The following ASNS variants were observed in gnomAD, a reference collection of about 807,000 sequenced individuals.
The protein encoded by ASNS is asparagine synthetase [glutamine-hydrolyzing].
A neutral mutation model predicts 62.6 loss-of-function variants in ASNS; 37 were observed. The observed-to-expected ratio is 0.59, with a 90% CI of 0.45 to 0.78. The LOEUF (loss-of-function observed/expected upper bound fraction) is 0.78. Ranked by LOEUF, ASNS falls within the 30% of genes least tolerant of loss-of-function variation. The pLI, the probability that ASNS is intolerant of heterozygous loss-of-function variation, is 0.00. For missense variants in ASNS, 520 were observed against 682.4 expected, an observed-to-expected ratio of 0.76 and a Z score of 2.65; for synonymous variants, 207 against 237.9, an observed-to-expected ratio of 0.87 and a Z score of 1.19.
rs1028621761 is a variant in ASNS at position 97,870,178 on chromosome 7, T to C, written c.-59-365A>G. ...TGACACATTGCACCATGTGTGGCAT[T>C]TGGGCCCTGTTTGGCAGTGATGACT... On this transcript the variant is annotated intron_variant, in intron 1 of 12. Coordinates refer to ENST00000394308, the MANE Select transcript of ASNS (RefSeq NM_001673.5). 5.3e-6 allele frequency: 5 copies of C among 945,002 alleles called. No homozygotes were observed. In the African/African-American group the frequency reaches 8.5e-5, roughly 16 times the overall value. 58.5% of individuals were successfully genotyped at this position (945,002 alleles called of 1,614,324 possible). A position where few individuals can be genotyped will look rare whatever the true frequency, so the allele number is the denominator to read the frequency against.
Position 97,853,342 on chromosome 7 carries a change from T to C in ASNS, c.1283A>G (p.Tyr428Cys), listed in dbSNP as rs1791279467. 6.2e-7 allele frequency: 1 copy of C among 1,613,442 alleles called. No homozygotes were observed. The highest frequency in any genetic ancestry group is 8.5e-7 in the Non-Finnish European group (1 of 1,179,902). Residue 428 changes from tyrosine to cysteine, a missense_variant, in exon 11 of 13, where the codon TAT becomes TGT. Physicochemically the swap from Tyr to Cys is radical, Grantham distance 194 (BLOSUM62 -2). Coordinates refer to ENST00000394308, the MANE Select transcript of ASNS (RefSeq NM_001673.5). ...VPFLDHRFSS[Y>C]YLSLPPEMRI... ...CATTTCTGGTGGCAGAGACAAGTAA[T>C]AGGAAGAAAATCGATGATCTAGAAA...
chr7:97,863,897 C>T (rs1198167446), intron 4 of ASNS: 1 of 186,650 alleles, frequency 5.4e-6, no homozygotes, highest in Non-Finnish European at 1.1e-5. Flanking sequence ...TTTTAGAAAT[C>T]CTAACACTTG....
In ASNS at chr7:97,851,806, C is replaced by G. The variant is rs910294100; in HGVS notation, c.*453G>C. The G allele has an allele frequency of 6.4e-6, 1 of 155,192 alleles. No individual in the cohort carries two copies. Among genetic ancestry groups the G allele is most frequent in the Non-Finnish European group, 1.4e-5 (1 of 70,022 alleles). 9.6% of individuals were successfully genotyped at this position (155,192 alleles called of 1,614,324 possible). A position where few individuals can be genotyped will look rare whatever the true frequency, so the allele number is the denominator to read the frequency against. ...GAGAAAAAAATGAACTACTATCTTGCAAAATAGAGCTGTGATGAACTCCTA... is the reference window on the plus strand; with the variant it reads ...GAGAAAAAAATGAACTACTATCTTGGAAAATAGAGCTGTGATGAACTCCTA... On this transcript the variant is annotated 3_prime_UTR_variant, in exon 13 of 13. Transcript: ENST00000394308.
intron 4 of ASNS, chr7:97,863,679 C>T (rs1320193973): frequency 6.6e-6 from 1 of 152,614 alleles, no homozygotes; most frequent in Non-Finnish European, 1.5e-5. Context: ...TCTCTTCAAA[C>T]AAACAAACAA....
chr7:97,870,131 T>C (rs1220281190), intron 1 of ASNS: 23 of 548,510 alleles, frequency 4.2e-5, no homozygotes, highest in Non-Finnish European at 6.2e-5. Context: ...GGCTGTTTTA[T>C]TTGGCTGCTG....
At chr7:97,918,581 T>C in the ASNS span, among the ~76,000 whole-genome samples, 1 of 152,204 alleles carries the variant, frequency 6.6e-6, no homozygotes, top group Non-Finnish European at 1.5e-5. Flanking sequence ...AGAATAAATA[T>C]AGCATTATTC....
At chr7:97,890,124 G>A in the ASNS span, among the ~76,000 whole-genome samples, 1 of 151,870 alleles carries the variant, frequency 6.6e-6, no homozygotes. Context: ...TTCTGAACCT[G>A]AAGACTAGTC....
rs538866229 is a variant in ASNS at position 97,858,819 on chromosome 7, A to G, written c.775+35T>C. The G allele has an allele frequency of 1.7e-5, 26 of 1,546,694 alleles. No homozygotes were observed. In the East Asian group the frequency reaches 5.7e-4, roughly 34 times the overall value. On this transcript the variant is annotated intron_variant, in intron 6 of 12. Transcript: ENST00000394308. Reference sequence around the variant, plus strand: ...TACAAATCATTTCAATTAAACACACATGAAATATAATTAGGTTTTTTTAAT... The same window carrying G: ...TACAAATCATTTCAATTAAACACACGTGAAATATAATTAGGTTTTTTTAAT...
chr7:97,881,382 C>T, the ASNS span, among the ~76,000 whole-genome samples: 1 of 151,884 alleles, frequency 6.6e-6, no homozygotes, highest in African/African-American at 2.4e-5. Flanking sequence ...TAACACCCCC[C>T]GCCCCCCCAA....
the ASNS span, among the ~76,000 whole-genome samples, chr7:97,889,528 A>G: frequency 2.0e-5 from 3 of 152,018 alleles, no homozygotes; most frequent in Admixed American, 6.6e-5. Flanking sequence ...CAACCACAAA[A>G]AAAAACACTG....
chr7:97,868,549 A>G (rs1792090352), intron 3 of ASNS, among the ~76,000 whole-genome samples: 1 of 119,556 alleles, frequency 8.4e-6, no homozygotes, highest in African/African-American at 3.5e-5. Context: ...GTGTGTAGAA[A>G]GAAAAATCAA....
In ASNS at chr7:97,855,463, A is replaced by C; in HGVS notation, c.1031-4T>G. The stretch of plus-strand genomic sequence containing the variant: ...TACTTGGAAATTAAATACATACCTT[A>C]AATGAGAGAGAGAAATTAACTTTAA... On this transcript the variant is annotated splice_polypyrimidine_tract_variant and splice_region_variant and intron_variant, in intron 8 of 12. Transcript: ENST00000394308. 6.3e-7 allele frequency: 1 copy of C among 1,594,078 alleles called. No homozygotes were observed. The highest frequency in any genetic ancestry group is 8.6e-7 in the Non-Finnish European group (1 of 1,165,754).
intron 8 of ASNS, 49 bp from the exon 9 acceptor site, chr7:97,855,508 C>CA: frequency 7.2e-7 from 1 of 1,379,816 alleles, no homozygotes. Flanking sequence ...AACCTTCCAC[C>CA]AAAAATGCCT....
the ASNS span, among the ~76,000 whole-genome samples, chr7:97,883,165 A>C: frequency 6.6e-6 from 1 of 152,270 alleles, no homozygotes; most frequent in Non-Finnish European, 1.5e-5. Context: ...GGCATTCTGC[A>C]TTTCTCATTA....
At chr7:97,869,500 A>G (rs1562823881) in intron 2 of ASNS, among the ~76,000 whole-genome samples, 1 of 152,178 alleles carries the variant, frequency 6.6e-6, no homozygotes, top group South Asian at 2.1e-4. Flanking sequence ...CTGTCTCTGC[A>G]TTCTAAGTTT....
intron 1 of ASNS, chr7:97,872,117 G>C (rs1333374107): frequency 6.6e-6 from 1 of 152,310 alleles, no homozygotes; most frequent in Non-Finnish European, 1.5e-5. Flanking sequence ...ATGCTTCAGG[G>C]AACCAGGACA....
the ASNS span, among the ~76,000 whole-genome samples, chr7:97,903,532 T>C: frequency 6.6e-6 from 1 of 152,260 alleles, no homozygotes; most frequent in African/African-American, 2.4e-5. Flanking sequence ...AAACGCACCA[T>C]TCACTCCAGG....
intron 3 of ASNS, among the ~76,000 whole-genome samples, chr7:97,867,711 T>C (rs971462646): frequency 1.3e-5 from 2 of 152,184 alleles, no homozygotes; most frequent in Admixed American, 1.3e-4. Flanking sequence ...TTTCACCATT[T>C]CATCTCCAAT....
chr7:97,895,706 G>T, the ASNS span, among the ~76,000 whole-genome samples: 5 of 152,036 alleles, frequency 3.3e-5, no homozygotes, highest in African/African-American at 1.2e-4. Context: ...CAGGAGAATC[G>T]CTTGAACCCG....
Sources: gnomAD v4.1 joint callset for allele counts (sites outside exome capture counted in the v4.1 genomes callset) on GRCh38, gnomAD v4.1.1 for gene constraint, MANE v1.5 for transcripts, NCBI Gene and HGNC (gene_info 2026-07-23, HGNC 2026-07-21) for gene names.